Variants in IL2RB observed in about 807,000 individuals in gnomAD.
IL2RB encodes interleukin-2 receptor subunit beta.
IL2RB carries 17 observed loss-of-function variants against 44.2 expected under a neutral mutation model. The observed-to-expected ratio is 0.38, with a 90% CI of 0.26 to 0.58. The LOEUF (loss-of-function observed/expected upper bound fraction) is 0.58. Among genes scored for constraint, IL2RB ranks in the 20% least tolerant of loss-of-function variants. The pLI, the probability that IL2RB is intolerant of heterozygous loss-of-function variation, is 0.63. For synonymous variants in IL2RB, 286 were observed against 297.9 expected, an observed-to-expected ratio of 0.96 and a Z score of 0.41; for missense variants, 624 against 685.5, an observed-to-expected ratio of 0.91 and a Z score of 1.00.
intron 1 of IL2RB, among the ~76,000 whole-genome samples, chr22:37,147,732 G>T (rs1922290193): frequency 6.6e-6 from 1 of 152,226 alleles, no homozygotes; most frequent in Admixed American, 6.5e-5. Flanking sequence ...CAGACAGACT[G>T]GCAGGTGCTT....
chr22:37,139,233 A>G lies in IL2RB; in HGVS notation c.283-11T>C. The G allele has an allele frequency of 6.3e-7, 1 of 1,589,658 alleles. No homozygotes were observed. The highest frequency in any genetic ancestry group is 8.6e-7 in the Non-Finnish European group (1 of 1,160,916). ...GGTCAGTTTCTGAGACTGCAAGGGAAGGAGGGCAGGGGTGAAACTTCTAGC... is the reference window on the plus strand; with the variant it reads ...GGTCAGTTTCTGAGACTGCAAGGGAGGGAGGGCAGGGGTGAAACTTCTAGC... On this transcript the variant is annotated splice_polypyrimidine_tract_variant and intron_variant, in intron 4 of 9. Coordinates refer to ENST00000216223, the MANE Select transcript of IL2RB (RefSeq NM_000878.5).
intron 1 of IL2RB, among the ~76,000 whole-genome samples, chr22:37,165,834 C>G (rs958913790): frequency 1.3e-5 from 2 of 152,130 alleles, no homozygotes; most frequent in African/African-American, 4.8e-5. Flanking sequence ...AAAGCAGACA[C>G]TTGGAGCTGA....
upstream of IL2RB, among the ~76,000 whole-genome samples, chr22:37,153,847 C>T (rs1922580539): frequency 1.3e-5 from 2 of 152,176 alleles, no homozygotes; most frequent in Admixed American, 6.5e-5. Context: ...AAGAAAAATG[C>T]ATCCGCAGCC....
intron 1 of IL2RB, among the ~76,000 whole-genome samples, chr22:37,144,407 T>C (rs368259148): frequency 9.2e-5 from 14 of 152,332 alleles, no homozygotes; most frequent in African/African-American, 2.9e-4. Context: ...TCTGCTCAAC[T>C]GCAGCCTCCT....
chr22:37,152,532 C>A (rs1421876096), upstream of IL2RB, among the ~76,000 whole-genome samples: 3 of 152,166 alleles, frequency 2.0e-5, no homozygotes, highest in African/African-American at 7.2e-5. Flanking sequence ...AATTTGACTT[C>A]TTCCTTTCCA....
At chr22:37,157,004 C>T (rs1436205762) in intron 1 of IL2RB, among the ~76,000 whole-genome samples, 1 of 152,212 alleles carries the variant, frequency 6.6e-6, no homozygotes, top group African/African-American at 2.4e-5. Context: ...CCCCACAGTG[C>T]CAGGCCTCAC....
At chr22:37,157,094 T>C (rs1922706437) in intron 1 of IL2RB, among the ~76,000 whole-genome samples, 1 of 142,318 alleles carries the variant, frequency 7.0e-6, no homozygotes. Context: ...CTCCGCCCAG[T>C]CCCCATCAGA....
Position 37,165,680 on chromosome 22 carries a change from A to AAATTT in IL2RB, c.-34+9273_-34+9277dup, listed in dbSNP as rs113607423. Among the ~76,000 whole-genome samples the AAATTT allele has an allele frequency of 8.5e-3, 1,224 of 143,564 alleles. 6 individuals are homozygous for AAATTT. Among genetic ancestry groups the AAATTT allele is most frequent in the African/African-American group, 0.019 (712 of 38,302 alleles). The allele number at this position is 143,564 out of a possible 152,430, so 94.2% of individuals were successfully genotyped here. A position where few individuals can be genotyped will look rare whatever the true frequency, so the allele number is the denominator to read the frequency against. ...TCATGGAGAAGAGGGCTTTTTTTAA[A>AAATTT]AATTTAATTTAATTTAATTTAATTT... On this transcript the variant is annotated intron_variant, in intron 1 of 5. Transcript: ENST00000429622.
chr22:37,149,562 C>T (rs1334556121), intron 1 of IL2RB, among the ~76,000 whole-genome samples: 1 of 152,200 alleles, frequency 6.6e-6, no homozygotes, highest in Non-Finnish European at 1.5e-5. Context: ...AGCCCCTCAT[C>T]CCACAGCAGT....
intron 1 of IL2RB, among the ~76,000 whole-genome samples, chr22:37,171,460 T>C (rs1305090698): frequency 6.6e-6 from 1 of 151,994 alleles, no homozygotes; most frequent in African/African-American, 2.4e-5. Flanking sequence ...GTAAGTTTCA[T>C]AGGAGGTTAA....
chr22:37,152,552 C>T (rs1297516582), upstream of IL2RB, among the ~76,000 whole-genome samples: 1 of 152,118 alleles, frequency 6.6e-6, no homozygotes, highest in Non-Finnish European at 1.5e-5. Flanking sequence ...AATTTGGATG[C>T]CCTTTACTTC....
exon 1 of IL2RB, chr22:37,175,009 C>G (rs767627355): frequency 6.6e-6 from 1 of 152,310 alleles, no homozygotes; most frequent in Non-Finnish European, 1.5e-5. Flanking sequence ...TGGTGGAAGG[C>G]GAAGGGGAAG....
At chr22:37,173,897 T>A (rs1050939200) in intron 1 of IL2RB, among the ~76,000 whole-genome samples, 5 of 152,160 alleles carry the variant, frequency 3.3e-5, no homozygotes, top group Admixed American at 6.5e-5. Context: ...GCCTCTCACA[T>A]CTGGGAAGAT....
At chr22:37,134,899 T>C (rs1275616073) in intron 8 of IL2RB, among the ~76,000 whole-genome samples, 1 of 151,956 alleles carries the variant, frequency 6.6e-6, no homozygotes, top group Non-Finnish European at 1.5e-5. Context: ...TCGTACTCAG[T>C]GAATATGGGA....
At position 37,143,646 on chromosome 22, in the gene IL2RB, A is replaced by T. The variant is rs1308098919; in HGVS notation, c.89-11T>A. The T allele has an allele frequency of 1.3e-6, 2 of 1,597,956 alleles. No individual in the cohort carries two copies. The highest frequency in any genetic ancestry group is 1.7e-6 in the Non-Finnish European group (2 of 1,165,444). On this transcript the variant is annotated splice_polypyrimidine_tract_variant and intron_variant, in intron 2 of 9. Coordinates refer to ENST00000216223, the MANE Select transcript of IL2RB (RefSeq NM_000878.5). ...TGAACTGGGAAGTGCCTGCCGGGCA[A>T]GATGAGGTGTGAGTGCTGACTGTAG...
At chr22:37,140,272 G>A (rs190864081) in intron 4 of IL2RB, among the ~76,000 whole-genome samples, 2 of 149,378 alleles carry the variant, frequency 1.3e-5, no homozygotes, top group Admixed American at 6.8e-5. Context: ...GATTTTCCCC[G>A]ATGATAGTAG....
At chr22:37,137,001 G>A (rs954269518) in intron 6 of IL2RB, among the ~76,000 whole-genome samples, 1 of 152,284 alleles carries the variant, frequency 6.6e-6, no homozygotes, top group Non-Finnish European at 1.5e-5. Context: ...GCCCCGTTGG[G>A]TTTTCTTGAT....
chr22:37,164,241 C>T (rs184794717), intron 1 of IL2RB, among the ~76,000 whole-genome samples: 40 of 152,264 alleles, frequency 2.6e-4, no homozygotes, highest in Admixed American at 2.4e-3. Flanking sequence ...ACCCGAGAAC[C>T]CCAGCCTCAC....
At chr22:37,132,571 A>C (rs909568867) in intron 8 of IL2RB, 103 bp from the exon 9 acceptor site, 15 of 742,468 alleles carry the variant, frequency 2.0e-5, no homozygotes, top group Non-Finnish European at 3.2e-5. Context: ...GAGCCGCACC[A>C]CATTTACTTA....
Sources: allele counts gnomAD v4.1 joint callset (sites outside exome capture counted in the v4.1 genomes callset), GRCh38; gene constraint gnomAD v4.1.1; transcripts MANE v1.5; gene names NCBI Gene and HGNC (gene_info 2026-07-23, HGNC 2026-07-21).